CCDC15: variants seen among roughly 807,000 people sequenced by gnomAD.
CCDC15 encodes the protein coiled-coil domain-containing protein 15.
A neutral mutation model predicts 114.5 loss-of-function variants in CCDC15; 105 were observed. The ratio of observed to expected loss-of-function variants is 0.92; its 90% confidence interval spans 0.78 to 1.08. The LOEUF (loss-of-function observed/expected upper bound fraction) is 1.08, where lower values mean the gene tolerates loss of function less well. Among genes scored for constraint, CCDC15 ranks in the 50% least tolerant of loss-of-function variants. The probability of loss-of-function intolerance (pLI) is 0.00; values close to 1 mark genes in which losing one functional copy is unlikely to be tolerated. For synonymous variants in CCDC15, 334 were observed against 377.8 expected (o/e 0.88, Z 1.34); for missense variants, 1,105 against 1,093.6 (o/e 1.01, Z -0.15).
intron 6 of CCDC15, among the ~76,000 whole-genome samples, chr11:124,978,150 A>G (rs1948007157): frequency 6.6e-6 from 1 of 152,156 alleles, no homozygotes; most frequent in Non-Finnish European, 1.5e-5. Flanking sequence ...GCTTAGGATA[A>G]TGGCCTCTAG....
At chr11:125,002,703 T>C (rs919681242) in intron 11 of CCDC15, among the ~76,000 whole-genome samples, 8 of 152,154 alleles carry the variant, frequency 5.3e-5, no homozygotes, top group African/African-American at 1.7e-4. Context: ...ATCAACTCAT[T>C]ATAAATGTAA....
intron 4 of CCDC15, among the ~76,000 whole-genome samples, chr11:124,968,756 A>G (rs1341588437): frequency 6.6e-6 from 1 of 152,188 alleles, no homozygotes; most frequent in African/African-American, 2.4e-5. Context: ...TGGGAGCTGC[A>G]GACCGGAGCT....
At chr11:124,967,176 T>G (rs1456365634) in intron 4 of CCDC15, among the ~76,000 whole-genome samples, 2 of 152,190 alleles carry the variant, frequency 1.3e-5, no homozygotes, top group Non-Finnish European at 2.9e-5. Context: ...AATTTAAAGG[T>G]TGACCTGCCT....
chr11:124,981,561 C>T (rs1421102596), intron 6 of CCDC15, among the ~76,000 whole-genome samples: 1 of 151,944 alleles, frequency 6.6e-6, no homozygotes, highest in Non-Finnish European at 1.5e-5. Context: ...GCCAGTCTGG[C>T]CTTCAACTCA....
intron 6 of CCDC15, among the ~76,000 whole-genome samples, chr11:124,983,288 T>C (rs1003344990): frequency 6.6e-6 from 1 of 152,266 alleles, no homozygotes; most frequent in Admixed American, 6.5e-5. Flanking sequence ...ATTCCTGTTA[T>C]CTCAACCATT....
chr11:125,012,611 G>T (rs548140489), intron 13 of CCDC15, among the ~76,000 whole-genome samples: 2 of 152,306 alleles, frequency 1.3e-5, no homozygotes, highest in Non-Finnish European at 2.9e-5. Context: ...TTACACTTTA[G>T]TTGGGTTTGG....
At chr11:124,967,255 TG>T (rs1947800607) in intron 4 of CCDC15, among the ~76,000 whole-genome samples, 1 of 152,240 alleles carries the variant, frequency 6.6e-6, no homozygotes, top group South Asian at 2.1e-4. Flanking sequence ...CCATTCTCGC[TG>T]TCACTTTCAG....
At chr11:124,974,581 A>C (rs1287412833) in intron 4 of CCDC15, among the ~76,000 whole-genome samples, 1 of 152,164 alleles carries the variant, frequency 6.6e-6, no homozygotes, top group Non-Finnish European at 1.5e-5. Flanking sequence ...TCAAGAAAAG[A>C]CTTTAAGTAG....
At chr11:124,984,144 G>A (rs897551861) in intron 6 of CCDC15, among the ~76,000 whole-genome samples, 6 of 152,162 alleles carry the variant, frequency 3.9e-5, no homozygotes, top group African/African-American at 1.4e-4. Context: ...TGGTGGGGAA[G>A]CAGAGGTGAG....
At position 125,025,073 on chromosome 11, in the gene CCDC15, TGA is replaced by T. The variant is rs1565382077; in HGVS notation, c.2412-13357_2412-13356del. On this transcript the variant is annotated intron_variant, in intron 13 of 15. Coordinates refer to ENST00000344762, the MANE Select transcript of CCDC15 (RefSeq NM_025004.3). ...ATATATGAATATATATATGAATATATGAATATATATGAATATATATATGAATA... is the reference window on the plus strand; with the variant it reads ...ATATATGAATATATATATGAATATATATATATATGAATATATATATGAATA... Among the ~76,000 whole-genome samples, 84 of 41,652 alleles carry T rather than the reference TGA, an allele frequency of 2.0e-3. 1 individual carries two copies. The highest frequency in any genetic ancestry group is 5.0e-3 in the East Asian group (7 of 1,404). The allele number at this position is 41,652 out of a possible 152,430, so 27.3% of individuals were successfully genotyped here.
At chr11:124,963,494 A>AT (rs1283939117) in intron 4 of CCDC15, among the ~76,000 whole-genome samples, 9 of 151,846 alleles carry the variant, frequency 5.9e-5, no homozygotes, top group South Asian at 2.1e-4. Flanking sequence ...GGATTGTTTG[A>AT]TTTTTTCTTG....
chr11:125,031,629 T>C (rs751232001), intron 13 of CCDC15, among the ~76,000 whole-genome samples: 23 of 152,228 alleles, frequency 1.5e-4, no homozygotes, highest in Non-Finnish European at 3.1e-4. Flanking sequence ...CTGCAGAAGA[T>C]GGCAGGGCCT....
chr11:124,972,813 C>T (rs888133609), intron 4 of CCDC15, among the ~76,000 whole-genome samples: 1 of 152,116 alleles, frequency 6.6e-6, no homozygotes, highest in Non-Finnish European at 1.5e-5. Flanking sequence ...GCCATTTTCA[C>T]ATCACCTCCT....
At position 124,992,677 on chromosome 11, in the gene CCDC15, C is replaced by T. The variant is rs754537438; in HGVS notation, c.2129C>T (p.Pro710Leu). The T allele has an allele frequency of 6.4e-7, 1 of 1,570,902 alleles. No homozygotes were observed. The highest frequency in any genetic ancestry group is 8.7e-7 in the Non-Finnish European group (1 of 1,150,764). ...VVPKIQDQDS[P>L]REQNKHIKLP... ...CCTAAAATCCAGGACCAAGACTCCC[C>T]TAGAGAACAGGTAGAACCGAATACA... The change falls in exon 10 of 16, where the codon CCT (proline) becomes CTT (leucine). Residue 710 changes from proline to leucine, a missense_variant. Physicochemically the swap from Pro to Leu is moderately conservative, Grantham distance 98. Coordinates refer to ENST00000344762, the MANE Select transcript of CCDC15 (RefSeq NM_025004.3).
intron 4 of CCDC15, among the ~76,000 whole-genome samples, chr11:124,965,269 C>G (rs1334197140): frequency 3.9e-5 from 6 of 152,086 alleles, no homozygotes; most frequent in Non-Finnish European, 8.8e-5. Context: ...TCCATCTGGT[C>G]TTGGACTTTT....
chr11:125,011,219 G>A (rs546838051), intron 13 of CCDC15, among the ~76,000 whole-genome samples: 1 of 140,464 alleles, frequency 7.1e-6, no homozygotes, highest in South Asian at 2.3e-4. Flanking sequence ...TGTAATAGAA[G>A]TATTATTATT....
chr11:125,038,360 T>C, intron 13 of CCDC15, 71 bp from the exon 14 acceptor site: 1 of 1,023,068 alleles, frequency 9.8e-7, no homozygotes, highest in Non-Finnish European at 1.3e-6. Context: ...CTGGGAGTTA[T>C]TTGGATAAAG....
intron 4 of CCDC15, among the ~76,000 whole-genome samples, chr11:124,966,387 G>A (rs925954077): frequency 1.3e-5 from 2 of 151,950 alleles, no homozygotes; most frequent in South Asian, 2.1e-4. Context: ...TCCTTTTACC[G>A]TTATGTAATG....
intron 11 of CCDC15, among the ~76,000 whole-genome samples, chr11:124,995,891 C>T (rs796186212): frequency 2.0e-5 from 3 of 151,528 alleles, no homozygotes; most frequent in African/African-American, 4.8e-5. Flanking sequence ...AGTGCAGTTG[C>T]GCAATCTCAG....
Sources: gnomAD v4.1 joint callset for allele counts (sites outside exome capture counted in the v4.1 genomes callset) on GRCh38, gnomAD v4.1.1 for gene constraint, MANE v1.5 for transcripts, NCBI Gene and HGNC (gene_info 2026-07-23, HGNC 2026-07-21) for gene names.